TYMS: variants seen among roughly 807,000 people sequenced by gnomAD.
TYMS encodes the protein thymidylate synthase.
In TYMS, 21 loss-of-function variants were observed where a neutral mutation model predicts 39.3. That is an observed-to-expected ratio of 0.54 (90% CI 0.38 to 0.77). The LOEUF (loss-of-function observed/expected upper bound fraction) is 0.77. TYMS is among the 30% of genes least tolerant of loss of function. TYMS has a pLI of 0.00. For synonymous variants in TYMS, 171 were observed against 162.2 expected (o/e 1.05, Z -0.41); for missense variants, 273 against 406.7 (o/e 0.67, Z 2.83).
rs2075135751 is a variant in TYMS at position 672,975 on chromosome 18, T to C, written c.920T>C (p.Ile307Thr). 2 of 1,574,282 alleles carry C rather than the reference T, an allele frequency of 1.3e-6. No individual in the cohort carries two copies. ...GAAGGGTACAATCCGCATCCAACTATTAAAATGGAAATGGCTGTTTAGGGT... is the reference window on the plus strand; with the variant it reads ...GAAGGGTACAATCCGCATCCAACTACTAAAATGGAAATGGCTGTTTAGGGT... ...QIEGYNPHPT[I>T]KMEMAV is the part of the protein sequence containing the mutation. The change falls in exon 7 of 7, where the codon ATT becomes ACT. Residue 307 changes from isoleucine to threonine, a missense_variant. This residue lies in a region of TYMS where 35 missense variants were observed against 42.4 expected (regional missense o/e 0.83). Transcript: ENST00000323274.
rs1280151022 is a variant in TYMS at position 657,818 on chromosome 18, C to T, written c.76C>T (p.Pro26Ser). ...ACAGGAGCGGGACGCCGAGCCGCGT[C>T]CGCCGCACGGGGAGCTGCAGTACCT... ...AAQERDAEPRPPHGELQYLGQ... is the reference protein window; with the variant it reads ...AAQERDAEPRSPHGELQYLGQ... The change falls in exon 1 of 7, where the codon CCG becomes TCG. Residue 26 changes from proline (P) to serine (S), a missense_variant. Around this residue, in one of 3 missense-constraint regions of TYMS, gnomAD observed 228 missense variants for 326.1 expected, o/e 0.70. Transcript: ENST00000323274. 27 of 1,468,364 alleles carry T rather than the reference C, an allele frequency of 1.8e-5. No homozygotes were observed. Among genetic ancestry groups the T allele is most frequent in the Non-Finnish European group, 2.4e-5 (27 of 1,117,746 alleles). The allele number at this position is 1,468,364 out of a possible 1,614,324, so 91.0% of individuals were successfully genotyped here.
chr18:668,585 A>G (rs1186706985), intron 3 of TYMS, among the ~76,000 whole-genome samples: 2 of 152,246 alleles, frequency 1.3e-5, no homozygotes, highest in Non-Finnish European at 2.9e-5. Context: ...AGGTGATAGA[A>G]AGGAATCCAT....
At chr18:670,629 T>C (rs1367890117) in intron 4 of TYMS, 63 bp from the exon 5 acceptor site, 6 of 1,568,800 alleles carry the variant, frequency 3.8e-6, no homozygotes, top group East Asian at 4.5e-5. Flanking sequence ...CTGTTTTACT[T>C]TGCCTTTAGC....
chr18:665,500 G>A (rs1432391815), intron 3 of TYMS, among the ~76,000 whole-genome samples: 3 of 143,260 alleles, frequency 2.1e-5, no homozygotes, highest in East Asian at 2.2e-4. Context: ...AGGGTTTTTT[G>A]TGTCTCTATT....
Position 660,181 on chromosome 18 carries a change from A to G in TYMS, c.279+467A>G, listed in dbSNP as rs1449295006. On this transcript the variant is annotated intron_variant, in intron 2 of 6. Coordinates refer to ENST00000323274, the MANE Select transcript of TYMS (RefSeq NM_001071.4). This position sits in a 1 kb window ranked among gnomAD's most constrained non-coding sequence, Gnocchi z 4.6. ...ACGGTCCTTATGGTGTCCGTTTTTC[A>G]GCTCTGACCTTAGCTGCTGCTCTCT... is the stretch of plus-strand genomic sequence containing the variant. Among the ~76,000 whole-genome samples, 1 of 152,168 alleles carries G rather than the reference A, an allele frequency of 6.6e-6. No homozygotes were observed. Among genetic ancestry groups the G allele is most frequent in the African/African-American group, 2.4e-5 (1 of 41,432 alleles).
rs1434568977 is a variant in TYMS at position 658,218 on chromosome 18, T to G, written c.205+271T>G. On this transcript the variant is annotated intron_variant, in intron 1 of 6. Transcript: ENST00000323274. This position sits in a 1 kb window ranked among gnomAD's most constrained non-coding sequence, Gnocchi z 4.5. Reference sequence around the variant, plus strand: ...GCGGCCGGGCTCGCAGTCGCCCCAGTGATGCCGTGGCCCCCGAGGCGGGCG... The same window carrying G: ...GCGGCCGGGCTCGCAGTCGCCCCAGGGATGCCGTGGCCCCCGAGGCGGGCG... The G allele has an allele frequency of 2.6e-6, 4 of 1,517,214 alleles. No homozygotes were observed. The South Asian group carries it at 3.6e-5, about 14-fold the overall frequency. The allele number at this position is 1,517,214 out of a possible 1,614,324, so 94.0% of individuals were successfully genotyped here. A position where few individuals can be genotyped will look rare whatever the true frequency, so the allele number is the denominator to read the frequency against.
In TYMS at chr18:659,681, G is replaced by A; in HGVS notation, c.246G>A (p.Lys82=). 6.2e-7 allele frequency: 1 copy of A among 1,614,214 alleles called. No homozygotes were observed. Residue 82 remains lysine (K), a synonymous_variant, in exon 2 of 7, where the codon AAG becomes AAA. Coordinates refer to ENST00000323274, the MANE Select transcript of TYMS (RefSeq NM_001071.4). ...TGACAACCAAACGTGTGTTCTGGAA[G>A]GGTGTTTTGGAGGAGTTGCTGTGGT... ...PLLTTKRVFW[K]GVLEELLWFI...
chr18:667,609 A>T, intron 3 of TYMS: 1 of 105,232 alleles, frequency 9.5e-6, no homozygotes. Context: ...GGTGATGGTG[A>T]TGGAGATGGG....
rs1050257240 is a variant in TYMS, at chr18:657,784, C to A, written c.42C>A (p.Pro14=). 1 of 1,451,680 alleles carries A rather than the reference C, an allele frequency of 6.9e-7. No individual in the cohort carries two copies. Among genetic ancestry groups the A allele is most frequent in the Non-Finnish European group, 9.0e-7 (1 of 1,109,058 alleles). The allele number at this position is 1,451,680 out of a possible 1,614,324, so 89.9% of individuals were successfully genotyped here. The part of the protein sequence containing the change: ...AGSELPRRPL[P]PAAQERDAEP... ...CGGAGCTGCCGCGCCGGCCCTTGCC[C>A]CCCGCCGCACAGGAGCGGGACGCCG... Residue 14 remains proline (P), a synonymous_variant, in exon 1 of 7, where the codon CCC becomes CCA. Coordinates refer to ENST00000323274, the MANE Select transcript of TYMS (RefSeq NM_001071.4).
At chr18:672,556 T>G (rs1001366702) in intron 6 of TYMS, 1 of 212,492 alleles carries the variant, frequency 4.7e-6, no homozygotes, top group Non-Finnish European at 9.5e-6. Flanking sequence ...GAGTTACAGA[T>G]TGACTGTGTT....
At chr18:662,083 G>A in intron 2 of TYMS, 63 bp from the exon 3 acceptor site, 1 of 1,517,112 alleles carries the variant, frequency 6.6e-7, no homozygotes, top group Non-Finnish European at 8.8e-7. Flanking sequence ...TGTCTCGGGG[G>A]GATCAACTGA....
chr18:659,506 G>A, intron 1 of TYMS, 135 bp from the exon 2 acceptor site: 1 of 726,048 alleles, frequency 1.4e-6, no homozygotes, highest in Non-Finnish European at 2.4e-6. Context: ...CGTGATCTCT[G>A]GCCCACTTTG....
At position 657,896 on chromosome 18, in the gene TYMS, G is replaced by T; in HGVS notation, c.154G>T (p.Gly52Cys). 1 of 1,511,900 alleles carries T rather than the reference G, an allele frequency of 6.6e-7. No individual in the cohort carries two copies. 93.7% of individuals were successfully genotyped at this position (1,511,900 alleles called of 1,614,324 possible). A position where few individuals can be genotyped will look rare whatever the true frequency, so the allele number is the denominator to read the frequency against. The change falls in exon 1 of 7, where the codon GGC becomes TGC. Residue 52 changes from glycine (G) to cysteine (C), a missense_variant. By Grantham distance (159) the Gly-to-Cys change is radical. This residue lies in a region of TYMS where 228 missense variants were observed against 326.1 expected (regional missense o/e 0.70). Coordinates refer to ENST00000323274, the MANE Select transcript of TYMS (RefSeq NM_001071.4). ...CGGCGTCAGGAAGGACGACCGCACG[G>T]GCACCGGCACCCTGTCGGTATTCGG... The part of the protein sequence containing the change: ...RCGVRKDDRT[G>C]TGTLSVFGMQ...
At chr18:666,702 G>A (rs1258565911) in intron 3 of TYMS, among the ~76,000 whole-genome samples, 1 of 152,226 alleles carries the variant, frequency 6.6e-6, no homozygotes, top group East Asian at 1.9e-4. Context: ...TATTTTATGT[G>A]CGGTCATGAG....
At chr18:671,061 C>T in intron 5 of TYMS, 194 bp downstream of exon 5, 2 of 647,708 alleles carry the variant, frequency 3.1e-6, no homozygotes, top group Non-Finnish European at 2.6e-6. Flanking sequence ...GGTATACGCA[C>T]TAACAGATCT....
intron 2 of TYMS, among the ~76,000 whole-genome samples, 200 bp downstream of exon 2, chr18:659,914 AAC>A (rs1351343965): frequency 6.6e-6 from 1 of 152,100 alleles, no homozygotes; most frequent in Non-Finnish European, 1.5e-5. Flanking sequence ...CTCTACTAAT[AAC>A]ACAAAAAATT....
chr18:662,076 C>T (rs1209731427), intron 2 of TYMS, 70 bp from the exon 3 acceptor site: 11 of 1,506,674 alleles, frequency 7.3e-6, no homozygotes, highest in Non-Finnish European at 9.8e-6. Context: ...TAAGTGGTGT[C>T]TCGGGGGGAT....
intron 3 of TYMS, among the ~76,000 whole-genome samples, chr18:668,555 G>A (rs1229965667): frequency 6.6e-6 from 1 of 152,216 alleles, no homozygotes; most frequent in Non-Finnish European, 1.5e-5. Context: ...TTAGGTGGAA[G>A]TGTTGGAAAC....
rs2075044381 is a variant in TYMS, at chr18:671,391, T to C, written c.744T>C (p.Phe248=). Residue 248 remains phenylalanine, a synonymous_variant, in exon 6 of 7, where the codon TTT becomes TTC. Transcript: ENST00000323274. ...CCCCGGGTTTATAGCCAGGTGACTT[T>C]ATACACACTTTGGGAGATGCACATA... is the stretch of plus-strand genomic sequence containing the variant. The part of the protein sequence containing the change: ...AHITGLKPGD[F]IHTLGDAHIY... The C allele has an allele frequency of 6.2e-7, 1 of 1,611,926 alleles. No individual in the cohort carries two copies. Among genetic ancestry groups the C allele is most frequent in the Non-Finnish European group, 8.5e-7 (1 of 1,178,050 alleles).
Sources: allele counts gnomAD v4.1 joint callset (sites outside exome capture counted in the v4.1 genomes callset), GRCh38; gene constraint gnomAD v4.1.1; regional missense constraint gnomAD v4.1.1; non-coding constraint Gnocchi (gnomAD v3.1); transcripts MANE v1.5; gene names NCBI Gene and HGNC (gene_info 2026-07-23, HGNC 2026-07-21).